Variants in KCNN2 observed in about 807,000 individuals in gnomAD.
The protein encoded by KCNN2 is small conductance calcium-activated potassium channel protein 2.
A neutral mutation model predicts 55.5 loss-of-function variants in KCNN2; 24 were observed. That is an observed-to-expected ratio of 0.43 (90% confidence interval 0.31 to 0.61). The LOEUF is 0.61. KCNN2 is among the 20% of genes least tolerant of loss of function. The pLI, the probability that KCNN2 is intolerant of heterozygous loss-of-function variation, is 0.08. For missense variants in KCNN2, 754 were observed against 853.6 expected (o/e 0.88, Z 1.45); for synonymous variants, 431 against 336.1 (o/e 1.28, Z -3.09).
chr5:114,224,553 C>G (rs766708975), intron 2 of KCNN2, among the ~76,000 whole-genome samples: 5 of 152,134 alleles, frequency 3.3e-5, no homozygotes, highest in African/African-American at 1.2e-4. Context: ...TTGCTTCATG[C>G]AGAAGAACAC....
At chr5:114,461,753 A>G (rs537047628) in intron 3 of KCNN2, among the ~76,000 whole-genome samples, 1 of 151,854 alleles carries the variant, frequency 6.6e-6, no homozygotes, top group African/African-American at 2.4e-5. Context: ...AGCATAGCGA[A>G]TGCCATGGTC....
intron 2 of KCNN2, among the ~76,000 whole-genome samples, chr5:114,342,891 T>C (rs1020928275): frequency 1.3e-5 from 2 of 152,188 alleles, no homozygotes; most frequent in African/African-American, 2.4e-5. Context: ...GTGCAGGATG[T>C]GTAGGCTTGT....
intron 1 of KCNN2, among the ~76,000 whole-genome samples, chr5:114,218,760 A>C (rs1754062809): frequency 6.6e-6 from 1 of 152,236 alleles, no homozygotes; most frequent in African/African-American, 2.4e-5. Context: ...GTGTGGGCTC[A>C]TCAATTGTAA....
intron 3 of KCNN2, among the ~76,000 whole-genome samples, chr5:114,443,214 G>C (rs775389651): frequency 2.0e-5 from 3 of 151,602 alleles, no homozygotes; most frequent in African/African-American, 7.3e-5. Flanking sequence ...TTGCTTGAAC[G>C]CAGGAGGGGG....
intron 1 of KCNN2, among the ~76,000 whole-genome samples, chr5:114,192,680 A>G (rs1753475176): frequency 6.6e-6 from 1 of 152,128 alleles, no homozygotes; most frequent in Non-Finnish European, 1.5e-5. Flanking sequence ...CCTGGAAATA[A>G]TCTTTGTATG....
chr5:114,104,956 G>A (rs78225047), intron 1 of KCNN2, among the ~76,000 whole-genome samples: 8 of 152,106 alleles, frequency 5.3e-5, no homozygotes, highest in Non-Finnish European at 1.2e-4. Flanking sequence ...ATGAAAAGCT[G>A]GAGGCCACAA....
intron 1 of KCNN2, chr5:114,056,991 C>T (rs1750223588): frequency 6.6e-6 from 1 of 152,144 alleles, no homozygotes; most frequent in African/African-American, 2.4e-5. Flanking sequence ...TGTTGAGCAC[C>T]TACTCTGTGC....
intron 2 of KCNN2, among the ~76,000 whole-genome samples, chr5:114,255,790 G>C (rs988870060): frequency 6.6e-6 from 1 of 152,064 alleles, no homozygotes; most frequent in Non-Finnish European, 1.5e-5. Flanking sequence ...GAATTTAGGA[G>C]GTAGTAAAAT....
intron 1 of KCNN2, among the ~76,000 whole-genome samples, chr5:114,129,333 AAG>A (rs896956394): frequency 6.6e-6 from 1 of 152,174 alleles, no homozygotes; most frequent in African/African-American, 2.4e-5. Context: ...AAACCCAACA[AAG>A]AGAATACAAA....
At chr5:114,474,741 C>T (rs1761894381) in intron 5 of KCNN2, among the ~76,000 whole-genome samples, 1 of 152,100 alleles carries the variant, frequency 6.6e-6, no homozygotes, top group Non-Finnish European at 1.5e-5. Flanking sequence ...TTCAAAAGAA[C>T]ACTTGCATTA....
At chr5:114,344,684 T>C (rs1329643304) in intron 2 of KCNN2, among the ~76,000 whole-genome samples, 1 of 152,150 alleles carries the variant, frequency 6.6e-6, no homozygotes, top group Non-Finnish European at 1.5e-5. Flanking sequence ...CCATCATGAA[T>C]AACAAAAACA....
chr5:114,074,438 TC>T (rs557147066), intron 1 of KCNN2, among the ~76,000 whole-genome samples: 231 of 151,792 alleles, frequency 1.5e-3, no homozygotes, highest in Middle Eastern at 3.4e-3. Context: ...AACAACAAAA[TC>T]CCCCTCACTT....
intron 2 of KCNN2, among the ~76,000 whole-genome samples, chr5:114,327,735 G>T (rs989899748): frequency 6.6e-6 from 1 of 152,082 alleles, no homozygotes; most frequent in African/African-American, 2.4e-5. Context: ...TCCTCTTTGG[G>T]ACCAAAGATG....
At chr5:114,213,359 A>G (rs1372935048) in intron 1 of KCNN2, among the ~76,000 whole-genome samples, 1 of 151,174 alleles carries the variant, frequency 6.6e-6, no homozygotes, top group African/African-American at 2.4e-5. Context: ...TTCTTCCCAG[A>G]TCTCTCCAGA....
intron 2 of KCNN2, among the ~76,000 whole-genome samples, chr5:114,246,591 G>A (rs1754752255): frequency 6.6e-6 from 1 of 150,852 alleles, no homozygotes; most frequent in African/African-American, 2.5e-5. Flanking sequence ...ACTAACATTG[G>A]TATCGTACTT....
chr5:114,199,626 G>T, intron 1 of KCNN2, among the ~76,000 whole-genome samples: 2 of 147,694 alleles, frequency 1.4e-5, no homozygotes, highest in Non-Finnish European at 1.5e-5. Context: ...TTTTTTATGT[G>T]GCTTTTATTG....
At position 114,426,698 on chromosome 5, in the gene KCNN2, C is replaced by T. The variant is rs943238585; in HGVS notation, c.1637+21842C>T. Among the ~76,000 whole-genome samples, 3 of 152,136 alleles carry T rather than the reference C, an allele frequency of 2.0e-5. No individual in the cohort carries two copies. In the South Asian group the frequency reaches 6.2e-4, roughly 32 times the overall value. ...AGTTTTTAAACTGTAGTCATTTTTA[C>T]TGCTGTTAGAGAATGAAGAATAACA... On this transcript the variant is annotated intron_variant, in intron 3 of 7. Coordinates refer to ENST00000673685, the MANE Select transcript of KCNN2 (RefSeq NM_021614.4).
At chr5:114,271,373 A>G (rs1755330164) in intron 2 of KCNN2, among the ~76,000 whole-genome samples, 1 of 152,184 alleles carries the variant, frequency 6.6e-6, no homozygotes, top group Admixed American at 6.6e-5. Context: ...TGACTTGTGC[A>G]TTTACAATCA....
intron 2 of KCNN2, among the ~76,000 whole-genome samples, chr5:114,295,557 G>A (rs1432974896): frequency 8.5e-5 from 13 of 152,108 alleles, no homozygotes; most frequent in Admixed American, 1.3e-4. Context: ...TTGGAAAAGC[G>A]CAGTATTAGG....
Sources: gnomAD v4.1 joint callset for allele counts (sites outside exome capture counted in the v4.1 genomes callset) on GRCh38, gnomAD v4.1.1 for gene constraint, MANE v1.5 for transcripts, NCBI Gene and HGNC (gene_info 2026-07-23, HGNC 2026-07-21) for gene names.